The following TBC1D1 variants were observed in gnomAD, a reference collection of about 807,000 sequenced individuals.
TBC1D1 encodes the protein TBC1 (tre-2/USP6, BUB2, cdc16) domain family, member 1.
In TBC1D1, 89 loss-of-function variants were observed where a neutral mutation model predicts 125.6. That is an observed-to-expected ratio of 0.71 (90% CI 0.60 to 0.85). The LOEUF is 0.85. Among genes scored for constraint, TBC1D1 ranks in the 40% least tolerant of loss-of-function variants. The pLI, the probability that TBC1D1 is intolerant of heterozygous loss-of-function variation, is 0.00. For synonymous variants in TBC1D1, 565 were observed against 564.1 expected (o/e 1.00, Z -0.02); for missense variants, 1,377 against 1,469.2 (o/e 0.94, Z 1.03).
intron 12 of TBC1D1, among the ~76,000 whole-genome samples, chr4:38,079,791 A>G (rs962136969): frequency 1.4e-4 from 21 of 152,238 alleles, no homozygotes; most frequent in Non-Finnish European, 2.6e-4. Flanking sequence ...TCATCCATCC[A>G]TAATGGGTAG....
chr4:37,929,594 G>T (rs949555796), intron 2 of TBC1D1, among the ~76,000 whole-genome samples: 1 of 152,162 alleles, frequency 6.6e-6, no homozygotes, highest in African/African-American at 2.4e-5. Flanking sequence ...TTGGCTCCAG[G>T]TTTTCTGGCA....
chr4:37,979,861 C>T (rs1733992198), intron 2 of TBC1D1, among the ~76,000 whole-genome samples: 1 of 152,206 alleles, frequency 6.6e-6, no homozygotes, highest in Non-Finnish European at 1.5e-5. Context: ...CTCACTGCAA[C>T]CTCTGGCTCC....
chr4:38,109,283 A>G (rs1761853089), intron 15 of TBC1D1, among the ~76,000 whole-genome samples: 1 of 152,168 alleles, frequency 6.6e-6, no homozygotes, highest in Non-Finnish European at 1.5e-5. Flanking sequence ...AGAGTGAGCC[A>G]TTGTCTCTGA....
At position 38,127,429 on chromosome 4, in the gene TBC1D1, G is replaced by C. The variant is rs374020536; in HGVS notation, c.3132+2298G>C. On this transcript the variant is annotated intron_variant, in intron 18 of 19. Coordinates refer to ENST00000261439, the MANE Select transcript of TBC1D1 (RefSeq NM_015173.4). ...AGACAGAGTCTTGCTCTGCTACCCA[G>C]GCTGGAATGCGGTGGTGTGATCTTG... Among the ~76,000 whole-genome samples, 22 of 145,544 alleles carry C rather than the reference G, an allele frequency of 1.5e-4. 2 individuals carry two copies. In the East Asian group the frequency reaches 3.6e-3, roughly 24 times the overall value.
intron 2 of TBC1D1, among the ~76,000 whole-genome samples, chr4:37,988,782 C>A (rs140040735): frequency 6.6e-5 from 10 of 152,252 alleles, no homozygotes; most frequent in African/African-American, 2.2e-4. Context: ...TGGACCGCCC[C>A]CTCCTCAGTC....
chr4:38,055,950 G>A (rs1048524739), intron 12 of TBC1D1, among the ~76,000 whole-genome samples: 2 of 152,168 alleles, frequency 1.3e-5, no homozygotes, highest in African/African-American at 2.4e-5. Flanking sequence ...AGAGTGCCTC[G>A]GTGTTGCGGT....
intron 7 of TBC1D1, among the ~76,000 whole-genome samples, chr4:38,033,775 A>G (rs13118113): frequency 0.13 from 20,180 of 152,112 alleles, 1,829 homozygotes; most frequent in East Asian, 0.4. Context: ...CCAGCATGTC[A>G]TGTAGTTGGA....
At chr4:38,045,945 C>A in intron 10 of TBC1D1, 42 bp downstream of exon 10, 1 of 1,539,848 alleles carries the variant, frequency 6.5e-7, no homozygotes, top group Non-Finnish European at 9.0e-7. Flanking sequence ...AAGAAACCAA[C>A]AAATAGGTCT....
At chr4:37,944,464 G>A (rs1325553925) in intron 2 of TBC1D1, among the ~76,000 whole-genome samples, 4 of 152,218 alleles carry the variant, frequency 2.6e-5, no homozygotes, top group Non-Finnish European at 5.9e-5. Flanking sequence ...AGGCATCCTT[G>A]AGCTGTGGTG....
chr4:37,976,992 G>A (rs183968494), intron 2 of TBC1D1, among the ~76,000 whole-genome samples: 1 of 152,330 alleles, frequency 6.6e-6, no homozygotes, highest in East Asian at 1.9e-4. Flanking sequence ...GTCACCCCTG[G>A]AAAGTTGGGC....
chr4:38,131,444 T>C (rs529009803), intron 18 of TBC1D1, among the ~76,000 whole-genome samples: 22 of 152,348 alleles, frequency 1.4e-4, no homozygotes, highest in Non-Finnish European at 2.8e-4. Context: ...ATGATGGTTT[T>C]GCTGAGGTTG....
intron 2 of TBC1D1, among the ~76,000 whole-genome samples, chr4:37,935,725 G>A (rs1245440949): frequency 1.3e-5 from 2 of 152,096 alleles, no homozygotes; most frequent in Non-Finnish European, 2.9e-5. Context: ...CATGGATTCC[G>A]ATTGGTCTGA....
At chr4:37,960,493 CCAAGGATG>C in intron 2 of TBC1D1, 1 of 1,614,052 alleles carries the variant, frequency 6.2e-7, no homozygotes, top group Non-Finnish European at 8.5e-7. Flanking sequence ...CGTGTGGCTG[CCAAGGATG>C]TGCTGAAGCT....
At chr4:37,945,512 C>CAAAAAAAAAAAAAAAAAAA (rs59557310) in intron 2 of TBC1D1, among the ~76,000 whole-genome samples, 1 of 20,694 alleles carries the variant, frequency 4.8e-5, no homozygotes, top group East Asian at 1.4e-3. Flanking sequence ...GACTCCACCT[C>CAAAAAAAAAAAAAAAAAAA]AAAAAAAAAA....
At chr4:38,051,099 A>G (rs1011612120) in intron 11 of TBC1D1, among the ~76,000 whole-genome samples, 6 of 152,212 alleles carry the variant, frequency 3.9e-5, no homozygotes, top group Non-Finnish European at 7.3e-5. Flanking sequence ...TCATTGAAAC[A>G]TTCCTGTCTG....
At chr4:38,077,630 A>AT (rs33926889) in intron 12 of TBC1D1, among the ~76,000 whole-genome samples, 19,696 of 125,260 alleles carry the variant, frequency 0.16, 1,994 homozygotes, top group African/African-American at 0.3. Flanking sequence ...CAAAACCTTA[A>AT]TTTTTTTTTT....
In TBC1D1 at chr4:38,136,362, A is replaced by G. The variant is rs539635916; in HGVS notation, c.3307-773A>G. The stretch of plus-strand genomic sequence containing the variant: ...CTTGTCTCCATGGCTCGTAGTGAAC[A>G]GTCAGTGAGACCAGGCACATAAACC... On this transcript the variant is annotated intron_variant, in intron 19 of 19. Transcript: ENST00000261439. Among the ~76,000 whole-genome samples the G allele has an allele frequency of 2.6e-5, 4 of 152,338 alleles. No individual in the cohort carries two copies. The East Asian group carries it at 7.7e-4, about 29-fold the overall frequency.
At chr4:37,960,621 G>A (rs1355430381) in intron 2 of TBC1D1, 5 of 1,614,026 alleles carry the variant, frequency 3.1e-6, no homozygotes, top group Non-Finnish European at 4.2e-6. Flanking sequence ...TACCAGAAAG[G>A]CTTTGGGCAC....
intron 1 of TBC1D1, among the ~76,000 whole-genome samples, chr4:37,901,027 G>A (rs569391048): frequency 2.0e-5 from 3 of 151,032 alleles, no homozygotes; most frequent in South Asian, 2.1e-4. Context: ...AGCCACGATC[G>A]TGCCACTGCA....
Sources: allele counts gnomAD v4.1 joint callset (sites outside exome capture counted in the v4.1 genomes callset), GRCh38; gene constraint gnomAD v4.1.1; transcripts MANE v1.5; gene names NCBI Gene and HGNC (gene_info 2026-07-23, HGNC 2026-07-21).